MCCC1: variants seen among roughly 807,000 people sequenced by gnomAD.
MCCC1 encodes the protein methylcrotonoyl-CoA carboxylase subunit alpha, mitochondrial.
In MCCC1, 64 loss-of-function variants were observed where a neutral mutation model predicts 83.8. That is an observed-to-expected ratio of 0.76 (90% confidence interval 0.62 to 0.94). The LOEUF (loss-of-function observed/expected upper bound fraction) is 0.94, where lower values mean the gene tolerates loss of function less well. Ranked by LOEUF, MCCC1 falls within the 40% of genes least tolerant of loss-of-function variation. The pLI is 0.00. For missense variants in MCCC1, 807 were observed against 904.7 expected (o/e 0.89, Z 1.39); for synonymous variants, 322 against 315.4 (o/e 1.02, Z -0.22).
chr3:183,069,183 T>C (rs919069042), intron 7 of MCCC1, among the ~76,000 whole-genome samples: 4 of 152,282 alleles, frequency 2.6e-5, no homozygotes, highest in Middle Eastern at 3.4e-3. Flanking sequence ...ATACAAAAAA[T>C]AAAAATGTAT....
intron 10 of MCCC1, among the ~76,000 whole-genome samples, chr3:183,043,630 G>A (rs943494384): frequency 7.9e-5 from 12 of 152,156 alleles, no homozygotes. Flanking sequence ...ACCTCTGTTT[G>A]AAGGCCAGAT....
chr3:183,054,249 G>A (rs537086294), intron 8 of MCCC1, among the ~76,000 whole-genome samples: 5 of 148,522 alleles, frequency 3.4e-5, no homozygotes, highest in African/African-American at 5.0e-5. Context: ...GCAGTGGCGC[G>A]ATCTCGGCTC....
intron 7 of MCCC1, among the ~76,000 whole-genome samples, chr3:183,065,395 T>C (rs1463621208): frequency 6.6e-6 from 1 of 152,194 alleles, no homozygotes; most frequent in Admixed American, 6.5e-5. Context: ...GTTGTGTGTG[T>C]GATATGAAAG....
chr3:183,097,171 C>T (rs1011355672), intron 1 of MCCC1, among the ~76,000 whole-genome samples: 3 of 152,088 alleles, frequency 2.0e-5, no homozygotes, highest in East Asian at 3.9e-4. Context: ...GCTGCTTCCC[C>T]GGAGCTTGCA....
At chr3:183,022,342 C>T in intron 16 of MCCC1, 75 bp downstream of exon 16, 1 of 1,544,244 alleles carries the variant, frequency 6.5e-7, no homozygotes, top group Non-Finnish European at 8.9e-7. Flanking sequence ...TTTCTAATCT[C>T]TTTCAGTGGA....
chr3:183,102,659 C>T (rs1269285658), upstream of MCCC1, among the ~76,000 whole-genome samples: 1 of 149,146 alleles, frequency 6.7e-6, no homozygotes, highest in Non-Finnish European at 1.5e-5. Flanking sequence ...ACTTCTTACA[C>T]CTAACACCAA....
chr3:183,035,795 A>G (rs1382708836), intron 13 of MCCC1, among the ~76,000 whole-genome samples: 1 of 152,102 alleles, frequency 6.6e-6, no homozygotes, highest in East Asian at 1.9e-4. Flanking sequence ...AAAGTATGTG[A>G]GAGCTGAGAT....
At chr3:183,085,376 A>G (rs772138259) in intron 4 of MCCC1, among the ~76,000 whole-genome samples, 5 of 151,984 alleles carry the variant, frequency 3.3e-5, no homozygotes, top group Non-Finnish European at 5.9e-5. Context: ...AAGACCTATA[A>G]TGTTCTCACT....
chr3:183,101,809 T>C (rs977466015), upstream of MCCC1, among the ~76,000 whole-genome samples: 2 of 152,002 alleles, frequency 1.3e-5, no homozygotes, highest in African/African-American at 2.4e-5. Context: ...GTAACACTTA[T>C]CACGAAGATC....
chr3:183,045,575 T>G (rs778322156), intron 9 of MCCC1, 35 bp from the exon 10 acceptor site: 8 of 1,611,138 alleles, frequency 5.0e-6, no homozygotes, highest in Non-Finnish European at 5.9e-6. Flanking sequence ...TATTCAATAG[T>G]GTATAATCAG....
Position 183,044,811 on chromosome 3 carries a change from A to G in MCCC1, c.1083+602T>C, listed in dbSNP as rs535861064. Among the ~76,000 whole-genome samples the G allele has an allele frequency of 5.9e-5, 9 of 152,142 alleles. No homozygotes were observed. In the South Asian group the frequency reaches 1.9e-3, roughly 32 times the overall value. Reference sequence around the variant, plus strand: ...AATGTGGCTTCACTTTTAACCTCCCATCTTCCTGTCCTCATAACCACCAAG... The same window carrying G: ...AATGTGGCTTCACTTTTAACCTCCCGTCTTCCTGTCCTCATAACCACCAAG... On this transcript the variant is annotated intron_variant, in intron 10 of 18. Coordinates refer to ENST00000265594, the MANE Select transcript of MCCC1 (RefSeq NM_020166.5).
Position 183,015,360 on chromosome 3 carries a change from C to T in MCCC1, c.*78G>A. 1 of 1,511,456 alleles carries T rather than the reference C, an allele frequency of 6.6e-7. No homozygotes were observed. Among genetic ancestry groups the T allele is most frequent in the Non-Finnish European group, 9.2e-7 (1 of 1,087,452 alleles). The allele number at this position is 1,511,456 out of a possible 1,614,324, so 93.6% of individuals were successfully genotyped here. ...TAGTAAAACTGCTCTTTATGAGACC[C>T]CCAGAAAAGCTGGAGGCACTTCCTC... On this transcript the variant is annotated 3_prime_UTR_variant, in exon 19 of 19. Transcript: ENST00000265594.
intron 3 of MCCC1, among the ~76,000 whole-genome samples, chr3:183,087,623 C>G (rs1334467115): frequency 6.6e-6 from 1 of 152,026 alleles, no homozygotes; most frequent in Admixed American, 6.6e-5. Flanking sequence ...CGCCTGTAAT[C>G]CCAGCAAGGC....
intron 11 of MCCC1, among the ~76,000 whole-genome samples, 187 bp from the exon 12 acceptor site, chr3:183,039,322 C>T (rs1464647770): frequency 6.6e-6 from 1 of 152,194 alleles, no homozygotes. Flanking sequence ...CCAGGTGTAA[C>T]GAGGTGGGCC....
At chr3:183,092,594 A>C in intron 2 of MCCC1, 49 bp from the exon 3 acceptor site, 1 of 1,607,354 alleles carries the variant, frequency 6.2e-7, no homozygotes, top group Non-Finnish European at 8.5e-7. Flanking sequence ...TGGAGAGCAA[A>C]GAATGAGAAT....
chr3:183,102,250 C>T (rs373404213), upstream of MCCC1, among the ~76,000 whole-genome samples: 1 of 152,070 alleles, frequency 6.6e-6, no homozygotes, highest in Non-Finnish European at 1.5e-5. Context: ...CTTGTAGTCC[C>T]AGCTACTCGG....
intron 10 of MCCC1, among the ~76,000 whole-genome samples, chr3:183,044,384 G>C (rs1714360095): frequency 6.6e-6 from 1 of 152,144 alleles, no homozygotes; most frequent in African/African-American, 2.4e-5. Context: ...CATAGTAAAA[G>C]AACAGTTATA....
At chr3:183,112,220 T>C (rs979229963) in intron 1 of MCCC1, among the ~76,000 whole-genome samples, 10 of 152,210 alleles carry the variant, frequency 6.6e-5, no homozygotes, top group African/African-American at 2.4e-4. Flanking sequence ...GTTCCCCGTG[T>C]CAATTAAGAT....
At chr3:183,032,177 T>C (rs1713137275) in intron 14 of MCCC1, among the ~76,000 whole-genome samples, 1 of 152,226 alleles carries the variant, frequency 6.6e-6, no homozygotes, top group Non-Finnish European at 1.5e-5. Flanking sequence ...AAAACTTTTT[T>C]TAATTCCAAA....
Sources: allele counts gnomAD v4.1 joint callset (sites outside exome capture counted in the v4.1 genomes callset), GRCh38; gene constraint gnomAD v4.1.1; transcripts MANE v1.5; gene names NCBI Gene and HGNC (gene_info 2026-07-23, HGNC 2026-07-21).